SLC2A14: variants seen among roughly 807,000 people sequenced by gnomAD.
The protein encoded by SLC2A14 is solute carrier family 2 member 14, also known as solute carrier family 2, facilitated glucose transporter member 14.
In SLC2A14, 13 loss-of-function variants were observed where a neutral mutation model predicts 43.0. The observed-to-expected ratio is 0.30, with a 90% CI of 0.20 to 0.48. The LOEUF (loss-of-function observed/expected upper bound fraction) is 0.48. Among genes scored for constraint, SLC2A14 ranks in the 20% least tolerant of loss-of-function variants. The pLI, the probability that SLC2A14 is intolerant of heterozygous loss-of-function variation, is 0.99. For missense variants in SLC2A14, 428 were observed against 620.4 expected (o/e 0.69, Z 3.29); for synonymous variants, 190 against 233.8 (o/e 0.81, Z 1.71).
intron 2 of SLC2A14, among the ~76,000 whole-genome samples, chr12:7,861,510 A>C (rs1035687150): frequency 8.5e-5 from 13 of 152,188 alleles, no homozygotes; most frequent in African/African-American, 2.9e-4. Context: ...TAAAGAAAAA[A>C]TGTGCCCCTT....
rs1945320006 is a variant in SLC2A14 at position 7,872,910 on chromosome 12, A to G, written c.-161T>C. ...GCCCCGCCTGCAGCCGTTGGGACCC[A>G]CTAACTGCCTCGAAAAGCCTAGGAT... On this transcript the variant is annotated 5_prime_UTR_variant, in exon 1 of 11. Coordinates refer to ENST00000431042, the MANE Select transcript of SLC2A14 (RefSeq NM_001286234.2). The G allele has an allele frequency of 8.1e-6, 8 of 985,420 alleles. No individual in the cohort carries two copies. Among genetic ancestry groups the G allele is most frequent in the Non-Finnish European group, 9.6e-6 (8 of 830,006 alleles). The allele number at this position is 985,420 out of a possible 1,614,324, so 61.0% of individuals were successfully genotyped here.
At chr12:7,842,626 A>G (rs990007953) in intron 2 of SLC2A14, among the ~76,000 whole-genome samples, 6 of 152,030 alleles carry the variant, frequency 3.9e-5, no homozygotes, top group African/African-American at 1.4e-4. Context: ...GTGGGACACA[A>G]TCACCAGGCT....
chr12:7,890,707 C>G lies in SLC2A14; in HGVS notation c.132+289G>C, dbSNP rs182807138. On this transcript the variant is annotated intron_variant, in intron 1 of 9. Coordinates refer to the SLC2A14 transcript ENST00000539924. Reference sequence around the variant, plus strand: ...CCCCCTTCCCTTTGGTCTTTCACTCCGGAGGCTCTTACCCTAGACGCAATG... The same window carrying G: ...CCCCCTTCCCTTTGGTCTTTCACTCGGGAGGCTCTTACCCTAGACGCAATG... 1.3e-4 allele frequency: 24 copies of G among 189,514 alleles called. 1 individual carries two copies. Among genetic ancestry groups the G allele is most frequent in the Non-Finnish European group, 2.5e-4 (23 of 92,436 alleles). 11.7% of individuals were successfully genotyped at this position (189,514 alleles called of 1,614,324 possible).
chr12:7,830,064 C>T (rs990369326), intron 4 of SLC2A14, 58 bp from the exon 5 acceptor site: 2 of 1,607,154 alleles, frequency 1.2e-6, no homozygotes, highest in African/African-American at 1.3e-5. Context: ...CCTAACTTCT[C>T]CTCTTCTGTA....
intron 10 of SLC2A14, among the ~76,000 whole-genome samples, chr12:7,815,646 C>T (rs921936843): frequency 1.5e-4 from 23 of 151,676 alleles, no homozygotes; most frequent in African/African-American, 5.1e-4. Flanking sequence ...GCATGAGCTC[C>T]GCTCACAGCA....
At chr12:7,865,971 C>T (rs1408373133) in intron 2 of SLC2A14, among the ~76,000 whole-genome samples, 3 of 152,092 alleles carry the variant, frequency 2.0e-5, no homozygotes, top group Admixed American at 6.6e-5. Context: ...AATCCCAACA[C>T]TTTGGGAGGC....
At chr12:7,876,863 C>T (rs923363114), upstream of SLC2A14, among the ~76,000 whole-genome samples, 3 of 151,896 alleles carry the variant, frequency 2.0e-5, no homozygotes, top group African/African-American at 7.3e-5. Context: ...GGCTAATATA[C>T]GTATTTGACT....
At chr12:7,889,250 T>TTA (rs35683838) in intron 1 of SLC2A14, among the ~76,000 whole-genome samples, 2 of 150,458 alleles carry the variant, frequency 1.3e-5, no homozygotes, top group African/African-American at 4.9e-5. Context: ...TTTTTTTTTT[T>TTA]AAGACTGAGT....
intron 2 of SLC2A14, among the ~76,000 whole-genome samples, chr12:7,866,614 C>A (rs1368305092): frequency 2.0e-5 from 3 of 152,142 alleles, no homozygotes; most frequent in Non-Finnish European, 4.4e-5. Context: ...GATCCACCCG[C>A]CTCAGCCTCC....
At chr12:7,862,434 C>T (rs1411173689) in intron 2 of SLC2A14, among the ~76,000 whole-genome samples, 2 of 152,126 alleles carry the variant, frequency 1.3e-5, no homozygotes, top group African/African-American at 2.4e-5. Context: ...GGGCAGGGCT[C>T]GGGACCTGCA....
rs1304610293 is a variant in SLC2A14, at chr12:7,813,349, C to T, written c.*967G>A. The T allele has an allele frequency of 6.6e-6, 1 of 152,156 alleles. No homozygotes were observed. Among genetic ancestry groups the T allele is most frequent in the Non-Finnish European group, 1.5e-5 (1 of 68,042 alleles). The allele number at this position is 152,156 out of a possible 1,614,324, so 9.4% of individuals were successfully genotyped here. On this transcript the variant is annotated 3_prime_UTR_variant, in exon 11 of 11. Coordinates refer to ENST00000431042, the MANE Select transcript of SLC2A14 (RefSeq NM_001286234.2). ...CGGGATTACTTCAAAAGTAATGAGA[C>T]TACTACAAGGAGTTATTTCGTCCAG...
At chr12:7,826,696 G>C (rs2120731982) in intron 7 of SLC2A14, among the ~76,000 whole-genome samples, 1 of 152,126 alleles carries the variant, frequency 6.6e-6, no homozygotes, top group South Asian at 2.1e-4. Context: ...CCTGTCAAAT[G>C]CTAGCTTCTG....
At chr12:7,873,126 C>T, upstream of SLC2A14, 2 of 985,592 alleles carry the variant, frequency 2.0e-6, no homozygotes, top group Non-Finnish European at 1.2e-6. Flanking sequence ...GGGATCCCTC[C>T]GAGCGCCCCC....
intron 1 of SLC2A14, among the ~76,000 whole-genome samples, chr12:7,887,571 A>G (rs1196810234): frequency 1.3e-5 from 1 of 74,554 alleles, no homozygotes; most frequent in East Asian, 3.4e-4. Flanking sequence ...ATAGATAGAT[A>G]GATAGATAGA....
intron 4 of SLC2A14, 174 bp downstream of exon 4, chr12:7,831,430 A>C: frequency 1.1e-6 from 1 of 882,062 alleles, no homozygotes; most frequent in Non-Finnish European, 1.7e-6. Context: ...TCTCCAGGGT[A>C]GTAGAGCTCC....
Position 7,828,719 on chromosome 12 carries a change from C to T in SLC2A14, c.661G>A (p.Glu221Lys), listed in dbSNP as rs1482793011. 1 of 1,614,092 alleles carries T rather than the reference C, an allele frequency of 6.2e-7. No individual in the cohort carries two copies. The highest frequency in any genetic ancestry group is 1.1e-5 in the South Asian group (1 of 91,074). ...RFLLINRKKE[E>K]NATRILQRLW... ...AGATACTCACTCCGCGTAGCATTCT[C>T]CTCTTTTTTTCTGTTAATGAGCAAA... Residue 221 changes from glutamate (E) to lysine (K), a missense_variant, in exon 6 of 11, where the codon GAG (glutamate) becomes AAG (lysine). Around this residue, in one of 4 missense-constraint regions of SLC2A14, gnomAD observed 185 missense variants for 275.4 expected, o/e 0.67. Coordinates refer to ENST00000431042, the MANE Select transcript of SLC2A14 (RefSeq NM_001286234.2).
chr12:7,881,942 G>A (rs1285876386), intron 1 of SLC2A14, among the ~76,000 whole-genome samples: 2 of 152,082 alleles, frequency 1.3e-5, no homozygotes, highest in African/African-American at 4.8e-5. Context: ...CTAGCTCAGG[G>A]ATTGTAAACG....
chr12:7,881,473 A>C (rs1446987500), intron 1 of SLC2A14, among the ~76,000 whole-genome samples: 1 of 152,000 alleles, frequency 6.6e-6, no homozygotes, highest in Non-Finnish European at 1.5e-5. Context: ...GTGCCGGCCC[A>C]CCGGCGCTGC....
chr12:7,827,870 G>C (rs1236724758), intron 6 of SLC2A14, among the ~76,000 whole-genome samples, 188 bp from the exon 7 acceptor site: 3 of 152,154 alleles, frequency 2.0e-5, no homozygotes, highest in Admixed American at 2.0e-4. Flanking sequence ...GCCCAGTGCG[G>C]TGGCTCGTGC....
Sources: allele counts gnomAD v4.1 joint callset (sites outside exome capture counted in the v4.1 genomes callset), GRCh38; gene constraint gnomAD v4.1.1; regional missense constraint gnomAD v4.1.1; transcripts MANE v1.5; gene names NCBI Gene and HGNC (gene_info 2026-07-23, HGNC 2026-07-21).